Variants in LEPROTL1 observed in about 807,000 individuals in gnomAD.
LEPROTL1 encodes leptin receptor overlapping transcript like 1.
LEPROTL1 carries 6 observed loss-of-function variants against 15.4 expected under a neutral mutation model. The ratio of observed to expected loss-of-function variants is 0.39; its 90% CI spans 0.21 to 0.77. LEPROTL1 has a LOEUF of 0.77. LEPROTL1 is among the 30% of genes least tolerant of loss of function. The probability of loss-of-function intolerance (pLI) is 0.41; values close to 1 mark genes in which losing one functional copy is unlikely to be tolerated. For missense variants in LEPROTL1, 128 were observed against 158.1 expected (o/e 0.81, Z 1.02); for synonymous variants, 56 against 52.6 (o/e 1.06, Z -0.28).
exon 5 of LEPROTL1, chr8:30,137,518 G>T (rs1341655807): frequency 6.6e-7 from 1 of 1,510,610 alleles, no homozygotes; most frequent in Admixed American, 2.0e-5. Context: ...ACTGCTCAGT[G>T]CCAGACACTG....
intron 3 of LEPROTL1, among the ~76,000 whole-genome samples, chr8:30,126,705 G>A (rs1472675905): frequency 2.0e-5 from 3 of 152,184 alleles, no homozygotes; most frequent in Non-Finnish European, 4.4e-5. Flanking sequence ...GGCCAGCCCA[G>A]CTTAGTAGCT....
intron 3 of LEPROTL1, among the ~76,000 whole-genome samples, chr8:30,115,123 G>T (rs373569988): frequency 2.0e-5 from 3 of 152,058 alleles, no homozygotes; most frequent in Non-Finnish European, 4.4e-5. Flanking sequence ...CAGCACTTTC[G>T]GAGGCAGAGG....
chr8:30,126,989 A>G (rs7846087), intron 3 of LEPROTL1, among the ~76,000 whole-genome samples: 135,042 of 151,948 alleles, frequency 0.89, 60,147 homozygotes, highest in Middle Eastern at 0.95. Context: ...GCAGTGAGCC[A>G]ACATGGCACC....
intron 1 of LEPROTL1, among the ~76,000 whole-genome samples, chr8:30,096,044 C>G (rs910450277): frequency 6.6e-6 from 1 of 152,120 alleles, no homozygotes; most frequent in Admixed American, 6.5e-5. Context: ...CGCCCGCGCC[C>G]GAGGCTTTAC....
chr8:30,122,834 C>T (rs1314164757), intron 3 of LEPROTL1, among the ~76,000 whole-genome samples: 1 of 152,154 alleles, frequency 6.6e-6, no homozygotes, highest in Non-Finnish European at 1.5e-5. Flanking sequence ...TGCATTGAAG[C>T]TATAGATCAA....
chr8:30,120,013 G>C lies in LEPROTL1; in HGVS notation c.280-12362G>C, dbSNP rs373682614. ...GAACCTGGGAGGCAGAGGTTGCAGT[G>C]AGCCGAGATGCCACTGCACTCCAGA... On this transcript the variant is annotated intron_variant, in intron 3 of 4. Transcript: ENST00000442880. 5.9e-5 allele frequency among the ~76,000 whole-genome samples: 9 copies of C among 152,248 alleles called. No homozygotes were observed. In the East Asian group the frequency reaches 1.7e-3, roughly 29 times the overall value.
In LEPROTL1 at chr8:30,132,372, C is replaced by CA. The variant is rs766457294; in HGVS notation, c.280-2dup. On this transcript the variant is annotated splice_polypyrimidine_tract_variant and splice_region_variant and intron_variant, in intron 3 of 4. Transcript: ENST00000442880. The stretch of plus-strand genomic sequence containing the variant: ...ACACAGATATCCTGTGGGTTCTTTC[C>CA]AGGGTCCAGATGTCTGCATCGGGGA... The CA allele has an allele frequency of 9.0e-6, 14 of 1,551,606 alleles. No homozygotes were observed. The South Asian group carries it at 1.7e-4, about 18-fold the overall frequency.
chr8:30,097,555 C>G (rs1161773904), intron 1 of LEPROTL1, among the ~76,000 whole-genome samples: 2 of 151,576 alleles, frequency 1.3e-5, no homozygotes, highest in African/African-American at 4.9e-5. Context: ...CACCTGTAAT[C>G]CCAGCTACTC....
chr8:30,101,434 A>G (rs1802464673), intron 1 of LEPROTL1, among the ~76,000 whole-genome samples: 1 of 152,126 alleles, frequency 6.6e-6, no homozygotes, highest in Non-Finnish European at 1.5e-5. Context: ...TTGGGAGGCC[A>G]AGGCAGGTGG....
intron 3 of LEPROTL1, among the ~76,000 whole-genome samples, chr8:30,119,185 A>G (rs1383435968): frequency 6.6e-6 from 1 of 152,208 alleles, no homozygotes; most frequent in East Asian, 1.9e-4. Context: ...TTAACAATGC[A>G]CATCCTGCAC....
chr8:30,117,288 G>T, intron 3 of LEPROTL1: 2 of 659,368 alleles, frequency 3.0e-6, no homozygotes, highest in South Asian at 3.8e-5. Flanking sequence ...AAGAGTTTCA[G>T]ACCAGCCTGG....
intron 3 of LEPROTL1, among the ~76,000 whole-genome samples, chr8:30,123,030 C>G (rs1277442720): frequency 6.6e-6 from 1 of 152,148 alleles, no homozygotes; most frequent in Non-Finnish European, 1.5e-5. Flanking sequence ...GATCATCTCC[C>G]AAGATGGTTC....
chr8:30,130,672 C>T (rs1802989912), intron 3 of LEPROTL1, among the ~76,000 whole-genome samples: 1 of 151,620 alleles, frequency 6.6e-6, no homozygotes, highest in African/African-American at 2.4e-5. Context: ...GTGTATTTAA[C>T]AATTATGTAA....
downstream of LEPROTL1, among the ~76,000 whole-genome samples, chr8:30,113,066 G>GT (rs1802677818): frequency 2.0e-5 from 3 of 146,362 alleles, no homozygotes; most frequent in Non-Finnish European, 4.5e-5. Context: ...GAGGTCAGGA[G>GT]TTTGAGACAG....
At chr8:30,113,752 G>A (rs1300082524) in intron 3 of LEPROTL1, among the ~76,000 whole-genome samples, 2 of 152,164 alleles carry the variant, frequency 1.3e-5, no homozygotes, top group African/African-American at 4.8e-5. Flanking sequence ...GGAAAACACT[G>A]TGCCTCTCCG....
chr8:30,117,773 G>T, intron 3 of LEPROTL1: 2 of 823,226 alleles, frequency 2.4e-6, no homozygotes, highest in Non-Finnish European at 4.1e-6. Context: ...ACATTCATGC[G>T]CACCATTGTG....
intron 2 of LEPROTL1, 94 bp downstream of exon 2, chr8:30,102,067 T>A (rs575085711): frequency 1.5e-6 from 1 of 667,944 alleles, no homozygotes; most frequent in African/African-American, 1.9e-5. Flanking sequence ...GTAAAAGTAA[T>A]GCAGAGAAAT....
chr8:30,110,448 G>T (rs1022297311), downstream of LEPROTL1, among the ~76,000 whole-genome samples: 1 of 152,102 alleles, frequency 6.6e-6, no homozygotes, highest in African/African-American at 2.4e-5. Flanking sequence ...AGTAGAGGCT[G>T]GGCATGGTGG....
At chr8:30,098,881 T>C (rs1044897662) in intron 1 of LEPROTL1, among the ~76,000 whole-genome samples, 2 of 152,078 alleles carry the variant, frequency 1.3e-5, no homozygotes, top group Admixed American at 1.3e-4. Context: ...CAGTAGGAAA[T>C]CGCAGCTGAT....
Sources: gnomAD v4.1 joint callset for allele counts (sites outside exome capture counted in the v4.1 genomes callset) on GRCh38, gnomAD v4.1.1 for gene constraint, MANE v1.5 for transcripts, NCBI Gene and HGNC (gene_info 2026-07-23, HGNC 2026-07-21) for gene names.